PXDNL: variants seen among roughly 807,000 people sequenced by gnomAD.
PXDNL encodes the protein probable oxidoreductase PXDNL.
PXDNL carries 145 observed loss-of-function variants against 150.8 expected under a neutral mutation model. That is an observed-to-expected ratio of 0.96 (90% CI 0.84 to 1.10). PXDNL has a LOEUF of 1.10. Ranked by LOEUF, PXDNL falls within the 50% of genes least tolerant of loss-of-function variation. PXDNL has a pLI of 0.00. For missense variants in PXDNL, 2,087 were observed against 1,873.9 expected (o/e 1.11, Z -2.10); for synonymous variants, 757 against 725.7 (o/e 1.04, Z -0.69).
At chr8:51,767,480 A>T (rs1384696456) in intron 1 of PXDNL, among the ~76,000 whole-genome samples, 2 of 152,130 alleles carry the variant, frequency 1.3e-5, no homozygotes, top group South Asian at 2.1e-4. Context: ...TTAGCTAATT[A>T]TTAGACAGAG....
rs193041112 is a variant in PXDNL at position 51,422,588 on chromosome 8, G to A, written c.1795+987C>T. ...AATCTCTTCTATAAACCCATAAGGC[G>A]TGGAAAAACTAAAAGGTAAAAAAGA... is the stretch of plus-strand genomic sequence containing the variant. On this transcript the variant is annotated intron_variant, in intron 14 of 22. Coordinates refer to ENST00000356297, the MANE Select transcript of PXDNL (RefSeq NM_144651.5). Among the ~76,000 whole-genome samples, 248 of 152,242 alleles carry A rather than the reference G, an allele frequency of 1.6e-3. 2 individuals carry two copies. Among genetic ancestry groups the A allele is most frequent in the East Asian group, 7.7e-4 (4 of 5,192 alleles).
intron 2 of PXDNL, among the ~76,000 whole-genome samples, chr8:51,608,007 A>AAGAAAGAAAG (rs1223280655): frequency 0.036 from 1,878 of 52,660 alleles, 58 homozygotes; most frequent in South Asian, 0.052. Flanking sequence ...GGAAGGAAGA[A>AAGAAAGAAAG]AGAAAGAAAG....
At chr8:51,450,543 T>C (rs956489448) in intron 10 of PXDNL, among the ~76,000 whole-genome samples, 1 of 152,174 alleles carries the variant, frequency 6.6e-6, no homozygotes, top group Non-Finnish European at 1.5e-5. Flanking sequence ...ACAAGAAACA[T>C]GATAAAGTAA....
chr8:51,630,196 A>G (rs1013274385), intron 2 of PXDNL, among the ~76,000 whole-genome samples: 2 of 152,156 alleles, frequency 1.3e-5, no homozygotes, highest in African/African-American at 4.8e-5. Context: ...ATTACTTCCT[A>G]TTCAATAAAT....
chr8:51,684,177 C>G (rs1158913346), intron 1 of PXDNL, among the ~76,000 whole-genome samples: 1 of 152,142 alleles, frequency 6.6e-6, no homozygotes, highest in Non-Finnish European at 1.5e-5. Context: ...TGATTTCTAA[C>G]AGGAAAGGAG....
At chr8:51,504,076 T>C (rs911164829) in intron 4 of PXDNL, among the ~76,000 whole-genome samples, 2 of 152,122 alleles carry the variant, frequency 1.3e-5, no homozygotes, top group Non-Finnish European at 2.9e-5. Context: ...TCACTCCCTG[T>C]ATCTTACCCA....
intron 17 of PXDNL, among the ~76,000 whole-genome samples, chr8:51,403,283 G>A (rs1808324687): frequency 6.6e-6 from 1 of 152,142 alleles, no homozygotes. Context: ...TGGTACTGAA[G>A]GAGGCAGGAT....
chr8:51,557,643 G>A (rs1234301191), intron 3 of PXDNL, among the ~76,000 whole-genome samples: 1 of 152,098 alleles, frequency 6.6e-6, no homozygotes, highest in African/African-American at 2.4e-5. Flanking sequence ...TCTTCGGAAT[G>A]TGCTCTTGCA....
chr8:51,353,966 A>C (rs987635387), intron 19 of PXDNL, among the ~76,000 whole-genome samples: 4 of 152,122 alleles, frequency 2.6e-5, no homozygotes, highest in Non-Finnish European at 5.9e-5. Context: ...TAGAGTTAAA[A>C]GCTGCTTTTT....
At chr8:51,613,571 T>C (rs1446560290) in intron 2 of PXDNL, among the ~76,000 whole-genome samples, 1 of 151,936 alleles carries the variant, frequency 6.6e-6, no homozygotes, top group African/African-American at 2.4e-5. Flanking sequence ...ACTACCAGAA[T>C]TACTAAGAAG....
At chr8:51,433,698 C>T (rs6998610) in intron 12 of PXDNL, among the ~76,000 whole-genome samples, 11 of 152,000 alleles carry the variant, frequency 7.2e-5, no homozygotes, top group Non-Finnish European at 1.5e-4. Flanking sequence ...AACTTATAAT[C>T]GTATTTTTAT....
intron 3 of PXDNL, among the ~76,000 whole-genome samples, chr8:51,578,906 G>A (rs965823966): frequency 3.9e-5 from 6 of 152,094 alleles, no homozygotes; most frequent in South Asian, 2.1e-4. Flanking sequence ...AACATTCATG[G>A]CAAAAACACG....
At chr8:51,794,427 C>T (rs574567718) in intron 1 of PXDNL, among the ~76,000 whole-genome samples, 1 of 152,108 alleles carries the variant, frequency 6.6e-6, no homozygotes, top group African/African-American at 2.4e-5. Flanking sequence ...AAGGCCAGGT[C>T]CCCTATGAAG....
chr8:51,650,762 T>A (rs564974477), intron 2 of PXDNL, among the ~76,000 whole-genome samples: 22 of 152,350 alleles, frequency 1.4e-4, no homozygotes, highest in South Asian at 1.0e-3. Context: ...AAAGTGAGAA[T>A]GATGCATTTA....
intron 4 of PXDNL, among the ~76,000 whole-genome samples, chr8:51,537,061 G>A (rs111554464): frequency 2.2e-4 from 33 of 152,318 alleles, no homozygotes; most frequent in African/African-American, 7.7e-4. Flanking sequence ...TTTGTAGACA[G>A]AAAAGCAAAC....
rs1417588777 is a variant in PXDNL at position 51,426,889 on chromosome 8, T to TG, written c.1526-132dup. The TG allele has an allele frequency of 5.1e-6, 3 of 587,208 alleles. No homozygotes were observed. In the Admixed American group the frequency reaches 9.0e-5, roughly 18 times the overall value. The allele number at this position is 587,208 out of a possible 1,614,324, so 36.4% of individuals were successfully genotyped here. On this transcript the variant is annotated intron_variant, in intron 12 of 22. Coordinates refer to ENST00000356297, the MANE Select transcript of PXDNL (RefSeq NM_144651.5). ...ACTAGTTTTTTAAAAATCAATTACT[T>TG]GGACGTCTAGGGGAATAACAAGCAT...
chr8:51,445,214 C>T (rs537556402), intron 12 of PXDNL, among the ~76,000 whole-genome samples: 14 of 152,148 alleles, frequency 9.2e-5, no homozygotes, highest in East Asian at 1.9e-4. Context: ...GCAACCACCA[C>T]GCTCGCCCCA....
chr8:51,632,151 C>T (rs6988824), intron 2 of PXDNL, among the ~76,000 whole-genome samples: 3 of 152,024 alleles, frequency 2.0e-5, no homozygotes, highest in African/African-American at 7.3e-5. Context: ...GAAAAAAGGA[C>T]CACTGAAGAG....
At chr8:51,511,466 A>G (rs1373332861) in intron 4 of PXDNL, among the ~76,000 whole-genome samples, 1 of 152,214 alleles carries the variant, frequency 6.6e-6, no homozygotes, top group Non-Finnish European at 1.5e-5. Context: ...TCTTTGTGAA[A>G]CACTGGAATG....
Sources: gnomAD v4.1 joint callset for allele counts (sites outside exome capture counted in the v4.1 genomes callset) on GRCh38, gnomAD v4.1.1 for gene constraint, MANE v1.5 for transcripts, NCBI Gene and HGNC (gene_info 2026-07-23, HGNC 2026-07-21) for gene names.